Variants in HSF2BP observed in about 807,000 individuals in gnomAD.
The protein encoded by HSF2BP is heat shock factor 2-binding protein.
HSF2BP carries 35 observed loss-of-function variants against 35.0 expected under a neutral mutation model. That is an observed-to-expected ratio of 1.00 (90% CI 0.76 to 1.32). The LOEUF (loss-of-function observed/expected upper bound fraction) is 1.32. Ranked by LOEUF, HSF2BP falls within the 40% of genes most tolerant of loss-of-function variation. The pLI, the probability that HSF2BP is intolerant of heterozygous loss-of-function variation, is 0.00. For synonymous variants in HSF2BP, 114 were observed against 117.4 expected (o/e 0.97, Z 0.18); for missense variants, 326 against 321.7 (o/e 1.01, Z -0.10).
chr21:43,596,806 C>T (rs1301755163), intron 7 of HSF2BP, among the ~76,000 whole-genome samples: 1 of 151,510 alleles, frequency 6.6e-6, no homozygotes, highest in Non-Finnish European at 1.5e-5. Flanking sequence ...CTTACTTGAG[C>T]CCAGGGATGT....
chr21:43,650,299 G>A (rs1284492419), intron 3 of HSF2BP, among the ~76,000 whole-genome samples: 1 of 151,814 alleles, frequency 6.6e-6, no homozygotes, highest in African/African-American at 2.4e-5. Context: ...CTCCGCCTCT[G>A]GGGTTCACAC....
At chr21:43,628,816 A>G (rs1464779647) in intron 6 of HSF2BP, among the ~76,000 whole-genome samples, 1 of 152,216 alleles carries the variant, frequency 6.6e-6, no homozygotes, top group East Asian at 1.9e-4. Context: ...ATTGAAGCCA[A>G]TGCTCATTTA....
At position 43,633,365 on chromosome 21, in the gene HSF2BP, C is replaced by G. The variant is rs772709808; in HGVS notation, c.348G>C (p.Gln116His). ...CTCCCATTTCTGTACAATACTCTGC[C>G]TGCTGCAGGAGTTGCTGCTTCGCTT... ...LNEAKQQLLQ[Q>H]AEYCTEMGAA... The change falls in exon 5 of 9, where the codon CAG (glutamine) becomes CAC (histidine). Residue 116 changes from glutamine (Q) to histidine (H), a missense_variant. Coordinates refer to ENST00000291560, the MANE Select transcript of HSF2BP (RefSeq NM_007031.2). The G allele has an allele frequency of 6.2e-7, 1 of 1,614,010 alleles. No individual in the cohort carries two copies. The highest frequency in any genetic ancestry group is 1.1e-5 in the South Asian group (1 of 91,058).
intron 4 of HSF2BP, among the ~76,000 whole-genome samples, chr21:43,640,870 T>G (rs2082627792): frequency 6.6e-6 from 1 of 152,144 alleles, no homozygotes; most frequent in African/African-American, 2.4e-5. Context: ...AAAAAATTTT[T>G]GTGGTACAAA....
intron 4 of HSF2BP, among the ~76,000 whole-genome samples, chr21:43,638,332 T>G (rs1002666228): frequency 6.6e-6 from 1 of 151,858 alleles, no homozygotes; most frequent in African/African-American, 2.4e-5. Context: ...GTGGCGCACA[T>G]CTGTAATCCC....
intron 4 of HSF2BP, among the ~76,000 whole-genome samples, chr21:43,634,540 G>C (rs1386058466): frequency 6.6e-6 from 1 of 152,152 alleles, no homozygotes; most frequent in African/African-American, 2.4e-5. Context: ...ACAAAGTAGA[G>C]GGGGCTTTTC....
At chr21:43,571,777 C>T (rs2081580116) in intron 8 of HSF2BP, among the ~76,000 whole-genome samples, 1 of 125,198 alleles carries the variant, frequency 8.0e-6, no homozygotes. Flanking sequence ...GGAGTGTGAA[C>T]AGAGGGACAC....
intron 6 of HSF2BP, 131 bp downstream of exon 6, chr21:43,630,191 T>C (rs1030093851): frequency 3.0e-6 from 2 of 672,838 alleles, no homozygotes; most frequent in South Asian, 4.3e-5. Flanking sequence ...TACAGTATAG[T>C]GTAAACATAA....
At chr21:43,628,598 GCAGCAAGTTATC>G (rs1169443287) in intron 6 of HSF2BP, among the ~76,000 whole-genome samples, 3 of 152,226 alleles carry the variant, frequency 2.0e-5, no homozygotes, top group Non-Finnish European at 4.4e-5. Context: ...TGGAGAAGCT[GCAGCAAGTTATC>G]CAGAAGATCT....
At chr21:43,608,344 A>C (rs1169992179) in intron 7 of HSF2BP, among the ~76,000 whole-genome samples, 1 of 152,224 alleles carries the variant, frequency 6.6e-6, no homozygotes, top group Non-Finnish European at 1.5e-5. Context: ...CGAAACATGA[A>C]AAAATGCCCA....
At position 43,596,904 on chromosome 21, in the gene HSF2BP, A is replaced by AGAGAG. The variant is rs1555859798; in HGVS notation, c.693-4577_693-4576insCTCTC. Among the ~76,000 whole-genome samples the AGAGAG allele has an allele frequency of 1.4e-3, 191 of 136,034 alleles. 1 individual carries two copies. The highest frequency in any genetic ancestry group is 5.1e-3 in the African/African-American group (183 of 35,958). The allele number at this position is 136,034 out of a possible 152,430, so 89.2% of individuals were successfully genotyped here. A position where few individuals can be genotyped will look rare whatever the true frequency, so the allele number is the denominator to read the frequency against. On this transcript the variant is annotated intron_variant, in intron 7 of 8. Coordinates refer to ENST00000291560, the MANE Select transcript of HSF2BP (RefSeq NM_007031.2). ...CCTGTCTCAAAAAAAAAAAAAAAAA[A>AGAGAG]AGAGAATTTTTTTTTATAAAGAGGC... is the stretch of plus-strand genomic sequence containing the variant.
At chr21:43,636,894 C>CAAAAAAA (rs34578952) in intron 4 of HSF2BP, among the ~76,000 whole-genome samples, 131 of 111,864 alleles carry the variant, frequency 1.2e-3, no homozygotes, top group Middle Eastern at 5.2e-3. Context: ...CGTCTCAAAA[C>CAAAAAAA]AAAAAAAAAA....
At chr21:43,606,331 G>C (rs1406440659) in intron 7 of HSF2BP, among the ~76,000 whole-genome samples, 1 of 152,226 alleles carries the variant, frequency 6.6e-6, no homozygotes, top group African/African-American at 2.4e-5. Context: ...AAGAAGGATG[G>C]CTGGGCTGAT....
intron 8 of HSF2BP, among the ~76,000 whole-genome samples, chr21:43,588,340 T>C (rs1156232887): frequency 1.3e-5 from 2 of 152,102 alleles, no homozygotes; most frequent in Non-Finnish European, 2.9e-5. Context: ...ATTGCATCAC[T>C]GCACTCCAGC....
At chr21:43,603,931 T>C (rs2082081650) in intron 7 of HSF2BP, among the ~76,000 whole-genome samples, 1 of 152,038 alleles carries the variant, frequency 6.6e-6, no homozygotes, top group Non-Finnish European at 1.5e-5. Flanking sequence ...CAGAATCCAG[T>C]CTGATCCACC....
intron 5 of HSF2BP, among the ~76,000 whole-genome samples, chr21:43,631,114 A>C (rs529432089): frequency 5.3e-4 from 80 of 152,366 alleles, no homozygotes; most frequent in African/African-American, 1.9e-3. Flanking sequence ...GCTAAAAACC[A>C]CTAAATTGTA....
intron 6 of HSF2BP, among the ~76,000 whole-genome samples, chr21:43,616,285 C>T (rs2082269902): frequency 6.6e-6 from 1 of 152,150 alleles, no homozygotes; most frequent in Non-Finnish European, 1.5e-5. Flanking sequence ...GCTCTAGGAT[C>T]CCTGAGTCAC....
In HSF2BP at chr21:43,590,929, A is replaced by C. The variant is rs757347294; in HGVS notation, c.796+1296T>G. The stretch of plus-strand genomic sequence containing the variant: ...GTTTGCACATTACCTTGATTGTGAT[A>C]ATAATTTTACAGGTGGACATTTATA... On this transcript the variant is annotated intron_variant, in intron 8 of 8. Transcript: ENST00000291560. 2.0e-5 allele frequency among the ~76,000 whole-genome samples: 3 copies of C among 152,356 alleles called. No individual in the cohort carries two copies. The South Asian group carries it at 6.2e-4, about 32-fold the overall frequency.
intron 8 of HSF2BP, among the ~76,000 whole-genome samples, chr21:43,589,525 T>C (rs967095243): frequency 6.6e-6 from 1 of 152,146 alleles, no homozygotes; most frequent in Non-Finnish European, 1.5e-5. Context: ...TAAATTCATA[T>C]GGAAAGGCAA....
Sources: gnomAD v4.1 joint callset for allele counts (sites outside exome capture counted in the v4.1 genomes callset) on GRCh38, gnomAD v4.1.1 for gene constraint, MANE v1.5 for transcripts, NCBI Gene and HGNC (gene_info 2026-07-23, HGNC 2026-07-21) for gene names.